Variants in ITGA2 observed in about 807,000 individuals in gnomAD.
The protein encoded by ITGA2 is integrin subunit alpha 2.
Under a neutral mutation model 146.3 loss-of-function variants are expected in ITGA2, and 101 were observed. The ratio of observed to expected loss-of-function variants is 0.69; its 90% CI spans 0.59 to 0.81. The LOEUF is 0.81. Ranked by LOEUF, ITGA2 falls within the 40% of genes least tolerant of loss-of-function variation. The pLI, the probability that ITGA2 is intolerant of heterozygous loss-of-function variation, is 0.00. For missense variants in ITGA2, 1,281 were observed against 1,402.7 expected, an observed-to-expected ratio of 0.91 and a Z score of 1.39; for synonymous variants, 477 against 487.1, an observed-to-expected ratio of 0.98 and a Z score of 0.27.
Position 53,083,441 on chromosome 5 carries a change from G to T in ITGA2, c.3246G>T (p.Gly1082=). The part of the protein sequence containing the change: ...FVNVTTRIWN[G]TFASSTFQTV... The stretch of plus-strand genomic sequence containing the variant: ...ATGTGACTACCAGAATTTGGAACGG[G>T]ACTTTCGCATCAGTAAGTATCAGTT... The change falls in exon 27 of 30, where the codon GGG becomes GGT. Residue 1082 remains glycine, a synonymous_variant. Transcript: ENST00000296585. 1 of 1,586,430 alleles carries T rather than the reference G, an allele frequency of 6.3e-7. No homozygotes were observed. The highest frequency in any genetic ancestry group is 1.3e-5 in the African/African-American group (1 of 74,528).
At chr5:53,021,015 A>G (rs1021972274) in intron 1 of ITGA2, among the ~76,000 whole-genome samples, 2 of 151,966 alleles carry the variant, frequency 1.3e-5, no homozygotes, top group South Asian at 4.2e-4. Context: ...ATTCTTATAC[A>G]CTAAAGGAAA....
At chr5:53,012,013 T>TA (rs546505087) in intron 1 of ITGA2, among the ~76,000 whole-genome samples, 15 of 152,176 alleles carry the variant, frequency 9.9e-5, no homozygotes, top group South Asian at 6.2e-4. Context: ...GTCATGGTTA[T>TA]AAAAAAAATC....
chr5:52,989,814 G>GCACACACACACA (rs35389760), intron 1 of ITGA2, among the ~76,000 whole-genome samples: 1,817 of 145,920 alleles, frequency 0.012, 18 homozygotes, highest in Non-Finnish European at 0.017. Flanking sequence ...GTACACACAC[G>GCACACACACACA]CACACACACA....
At position 52,989,523 on chromosome 5, in the gene ITGA2, C is replaced by A. The variant is rs746182288; in HGVS notation, c.55C>A (p.Leu19Ile). The change falls in exon 1 of 30, where the codon CTC (leucine) becomes ATC (isoleucine). Residue 19 changes from leucine (L) to isoleucine (I), a missense_variant. By Grantham distance (5) the Leu-to-Ile change is conservative. Around this residue, in one of 3 missense-constraint regions of ITGA2, gnomAD observed 795 missense variants for 841.7 expected, o/e 0.94. Transcript: ENST00000296585. ...APLPLLLVLA[L>I]SQGILNCCLA... is the part of the protein sequence containing the mutation. ...GCTGCCGCTGCTGCTGGTGTTAGCG[C>A]TCAGTCAAGGTAAGCGGGGATTTCG... 1 of 1,613,686 alleles carries A rather than the reference C, an allele frequency of 6.2e-7. No individual in the cohort carries two copies. Among genetic ancestry groups the A allele is most frequent in the South Asian group, 1.1e-5 (1 of 91,056 alleles).
intron 6 of ITGA2, among the ~76,000 whole-genome samples, chr5:53,051,101 T>G (rs1043785093): frequency 6.6e-6 from 1 of 152,236 alleles, no homozygotes; most frequent in East Asian, 1.9e-4. Flanking sequence ...AACAGTGTTC[T>G]AATAGTCATC....
intron 1 of ITGA2, among the ~76,000 whole-genome samples, chr5:53,003,212 C>T (rs1741675391): frequency 1.3e-5 from 2 of 152,184 alleles, no homozygotes. Context: ...TCACTTGAGG[C>T]ATGGCAATCT....
Position 53,070,190 on chromosome 5 carries a change from A to G in ITGA2, c.2165A>G (p.Glu722Gly), listed in dbSNP as rs1196386579. ...TSRGLFKENN[E>G]RCLQKNMVVN... ...AGGGGGTTATTTAAAGAAAACAATG[A>G]AAGGTGCCTGCAGAAGAATATGGTA... Residue 722 changes from glutamate to glycine, a missense_variant, in exon 17 of 30, where the codon GAA becomes GGA. Glu to Gly is a moderately conservative substitution (Grantham distance 98). Coordinates refer to ENST00000296585, the MANE Select transcript of ITGA2 (RefSeq NM_002203.4). 1.1e-5 allele frequency: 18 copies of G among 1,612,058 alleles called. 1 individual carries two copies. The highest frequency in any genetic ancestry group is 2.2e-5 in the South Asian group (2 of 91,044).
At chr5:53,067,355 G>A (rs896137311) in intron 16 of ITGA2, 98 bp downstream of exon 16, 2 of 1,345,472 alleles carry the variant, frequency 1.5e-6, no homozygotes, top group African/African-American at 2.9e-5. Flanking sequence ...AGAGAAATAA[G>A]GGTTTTAGTT....
chr5:53,054,972 A>G (rs1203824630), intron 7 of ITGA2, among the ~76,000 whole-genome samples: 2 of 152,118 alleles, frequency 1.3e-5, no homozygotes, highest in East Asian at 3.9e-4. Context: ...TCATTTGAGT[A>G]AAAGTTTAAG....
chr5:53,091,984 T>C lies in ITGA2; in HGVS notation c.*1385T>C, dbSNP rs1227972010. 1.3e-5 allele frequency: 2 copies of C among 152,192 alleles called. No homozygotes were observed. Among genetic ancestry groups the C allele is most frequent in the Non-Finnish European group, 2.9e-5 (2 of 68,042 alleles). The allele number at this position is 152,192 out of a possible 1,614,324, so 9.4% of individuals were successfully genotyped here. A position where few individuals can be genotyped will look rare whatever the true frequency, so the allele number is the denominator to read the frequency against. On this transcript the variant is annotated 3_prime_UTR_variant, in exon 30 of 30. Coordinates refer to ENST00000296585, the MANE Select transcript of ITGA2 (RefSeq NM_002203.4). ...AGAGTGAATTTGACCTAGGCAAGTT[T>C]GTTCAAAAGGTAGATCCTGAGATGA...
At chr5:53,017,768 T>C (rs1364692152) in intron 1 of ITGA2, among the ~76,000 whole-genome samples, 2 of 151,970 alleles carry the variant, frequency 1.3e-5, no homozygotes, top group African/African-American at 4.8e-5. Context: ...GCTGGGGGTA[T>C]GGTAGGATGA....
intron 27 of ITGA2, among the ~76,000 whole-genome samples, chr5:53,085,092 T>C (rs1387038234): frequency 1.3e-5 from 2 of 152,238 alleles, no homozygotes; most frequent in African/African-American, 4.8e-5. Context: ...GTCAAATGTT[T>C]ATCCTCACCT....
Position 53,048,415 on chromosome 5 carries a change from G to A in ITGA2, c.440G>A (p.Gly147Asp), listed in dbSNP as rs751488594. The change falls in exon 5 of 30, where the codon GGT becomes GAT. Residue 147 changes from glycine to aspartate, a missense_variant. By Grantham distance (94) the Gly-to-Asp change is moderately conservative (BLOSUM62 -1). Coordinates refer to ENST00000296585, the MANE Select transcript of ITGA2 (RefSeq NM_002203.4). Reference protein sequence around the residue: ...QQCGNQYYTTGVCSDISPDFQ... With the variant: ...QQCGNQYYTTDVCSDISPDFQ... ...TGTGGGAATCAGTATTACACAACGG[G>A]TGTGTGTTCTGACATCAGTCCTGAT... The A allele has an allele frequency of 6.2e-7, 1 of 1,614,136 alleles. No individual in the cohort carries two copies. Among genetic ancestry groups the A allele is most frequent in the South Asian group, 1.1e-5 (1 of 91,080 alleles).
At chr5:53,033,462 A>G (rs1240137812) in intron 2 of ITGA2, among the ~76,000 whole-genome samples, 2 of 152,154 alleles carry the variant, frequency 1.3e-5, no homozygotes, top group African/African-American at 4.8e-5. Context: ...CCTTTTAAAT[A>G]TTAGCCAATT....
rs764627513 is a variant in ITGA2 at position 53,075,280 on chromosome 5, A to G, written c.2801A>G (p.Tyr934Cys). ...NLVNLKIPLL[Y>C]DAEIHLTRST... Reference sequence around the variant, plus strand: ...GTCAACCTCAAAATTCCTCTCCTGTATGATGCTGAAATTCACTTAACAAGG... The same window carrying G: ...GTCAACCTCAAAATTCCTCTCCTGTGTGATGCTGAAATTCACTTAACAAGG... The change falls in exon 23 of 30, where the codon TAT becomes TGT. Residue 934 changes from tyrosine to cysteine, a missense_variant. Tyr to Cys is a radical substitution (Grantham distance 194). This residue lies in a region of ITGA2 where 475 missense variants were observed against 530.5 expected (regional missense o/e 0.90). Coordinates refer to ENST00000296585, the MANE Select transcript of ITGA2 (RefSeq NM_002203.4). The G allele has an allele frequency of 2.5e-6, 4 of 1,612,712 alleles. No homozygotes were observed. Among genetic ancestry groups the G allele is most frequent in the East Asian group, 4.5e-5 (2 of 44,756 alleles).
chr5:53,036,893 C>T (rs558943716), intron 2 of ITGA2, among the ~76,000 whole-genome samples: 23 of 152,122 alleles, frequency 1.5e-4, no homozygotes, highest in African/African-American at 5.5e-4. Context: ...GGAATGGTGT[C>T]CCCTGGGGTT....
intron 23 of ITGA2, among the ~76,000 whole-genome samples, chr5:53,076,538 A>C (rs1745670442): frequency 6.6e-6 from 1 of 152,028 alleles, no homozygotes; most frequent in Admixed American, 6.6e-5. Context: ...CCACTTGCTA[A>C]AATAAGAAAT....
At chr5:53,027,511 T>C (rs1579818233) in intron 2 of ITGA2, among the ~76,000 whole-genome samples, 1 of 152,328 alleles carries the variant, frequency 6.6e-6, no homozygotes, top group East Asian at 1.9e-4. Context: ...ACCACCTCAA[T>C]GGAGATGGAA....
intron 1 of ITGA2, among the ~76,000 whole-genome samples, chr5:53,019,821 T>C (rs1395070093): frequency 6.6e-6 from 1 of 152,174 alleles, no homozygotes. Flanking sequence ...CCACCATGCC[T>C]GGCCAAGTCA....
Sources: allele counts gnomAD v4.1 joint callset (sites outside exome capture counted in the v4.1 genomes callset), GRCh38; gene constraint gnomAD v4.1.1; regional missense constraint gnomAD v4.1.1; transcripts MANE v1.5; gene names NCBI Gene and HGNC (gene_info 2026-07-23, HGNC 2026-07-21).